UBE2V2: variants seen among roughly 807,000 people sequenced by gnomAD.
The protein encoded by UBE2V2 is ubiquitin-conjugating enzyme E2 variant 2.
A neutral mutation model predicts 17.2 loss-of-function variants in UBE2V2; 9 were observed. The observed-to-expected ratio is 0.52, with a 90% confidence interval of 0.32 to 0.91. UBE2V2 has a LOEUF of 0.91. Among genes scored for constraint, UBE2V2 ranks in the 40% least tolerant of loss-of-function variants. The pLI is 0.04. For synonymous variants in UBE2V2, 61 were observed against 57.5 expected (o/e 1.06, Z -0.28); for missense variants, 133 against 182.6 (o/e 0.73, Z 1.56).
At chr8:48,052,799 A>G (rs1373411556) in intron 3 of UBE2V2, among the ~76,000 whole-genome samples, 2 of 152,218 alleles carry the variant, frequency 1.3e-5, no homozygotes, top group Non-Finnish European at 2.9e-5. Flanking sequence ...CAAGGTGCAC[A>G]CTGGCCTGCA....
At position 48,063,357 on chromosome 8, in the gene UBE2V2, C is replaced by T. The variant is rs1448778596; in HGVS notation, c.*2529C>T. 6.6e-6 allele frequency: 1 copy of T among 152,194 alleles called. No individual in the cohort carries two copies. Among genetic ancestry groups the T allele is most frequent in the Non-Finnish European group, 1.5e-5 (1 of 68,044 alleles). The allele number at this position is 152,194 out of a possible 1,614,324, so 9.4% of individuals were successfully genotyped here. A position where few individuals can be genotyped will look rare whatever the true frequency, so the allele number is the denominator to read the frequency against. On this transcript the variant is annotated 3_prime_UTR_variant, in exon 4 of 4. Coordinates refer to ENST00000523111, the MANE Select transcript of UBE2V2 (RefSeq NM_003350.3). ...TGTAAGAGGAATTAATATAGAAAAG[C>T]TCTTAATTATAATAACATTTGGAAG...
At chr8:48,054,292 G>T (rs1316307579) in intron 3 of UBE2V2, among the ~76,000 whole-genome samples, 1 of 152,048 alleles carries the variant, frequency 6.6e-6, no homozygotes, top group Non-Finnish European at 1.5e-5. Context: ...AGTGTGCCGT[G>T]GCGTGGGGCT....
chr8:48,016,534 G>A (rs905309354), intron 1 of UBE2V2, among the ~76,000 whole-genome samples: 5 of 151,884 alleles, frequency 3.3e-5, no homozygotes, highest in African/African-American at 1.2e-4. Context: ...CCAGGCTGGA[G>A]TGCAATGGCA....
intron 3 of UBE2V2, chr8:48,050,408 T>C (rs2091528439): frequency 6.6e-6 from 1 of 152,438 alleles, no homozygotes; most frequent in Admixed American, 6.6e-5. Context: ...TTAATTTTTG[T>C]ATTTTTGTAG....
intron 1 of UBE2V2, among the ~76,000 whole-genome samples, chr8:48,023,373 G>A (rs371278094): frequency 2.6e-5 from 4 of 151,690 alleles, no homozygotes; most frequent in East Asian, 3.9e-4. Flanking sequence ...GCACCACCAC[G>A]CTCAGCTGAT....
chr8:48,009,359 A>C (rs1035549705), intron 1 of UBE2V2, among the ~76,000 whole-genome samples: 2 of 147,784 alleles, frequency 1.4e-5, no homozygotes, highest in African/African-American at 5.0e-5. Context: ...TCCACCTCCC[A>C]GGTTCAAGTG....
chr8:48,004,766 T>C (rs939062626), upstream of UBE2V2, among the ~76,000 whole-genome samples: 14 of 152,138 alleles, frequency 9.2e-5, no homozygotes, highest in Admixed American at 6.6e-4. Flanking sequence ...CCCGACCTTG[T>C]GATCCACCTG....
intron 1 of UBE2V2, among the ~76,000 whole-genome samples, chr8:48,009,148 A>T (rs978169675): frequency 6.6e-6 from 1 of 152,238 alleles, no homozygotes; most frequent in Admixed American, 6.5e-5. Context: ...TCCTGTGAGC[A>T]CACAAGTATT....
Position 48,060,776 on chromosome 8 carries a change from A to G in UBE2V2, c.386A>G (p.Lys129Arg). The change falls in exon 4 of 4, where the codon AAA (lysine) becomes AGA (arginine). Residue 129 changes from lysine (K) to arginine (R), a missense_variant. Physicochemically the swap from Lys to Arg is conservative, Grantham distance 26 (BLOSUM62 2). Transcript: ENST00000523111. ...LQELRRLMMS[K>R]ENMKLPQPPE... is the part of the protein sequence containing the mutation. Reference sequence around the variant, plus strand: ...GAGCTAAGACGTCTAATGATGTCCAAAGAAAATATGAAGCTTCCACAGCCA... The same window carrying G: ...GAGCTAAGACGTCTAATGATGTCCAGAGAAAATATGAAGCTTCCACAGCCA... 1 of 1,568,596 alleles carries G rather than the reference A, an allele frequency of 6.4e-7. No homozygotes were observed.
At chr8:47,998,004 T>C in the UBE2V2 span, among the ~76,000 whole-genome samples, 2 of 151,842 alleles carry the variant, frequency 1.3e-5, no homozygotes, top group Non-Finnish European at 2.9e-5. Flanking sequence ...AGAGCAAGAC[T>C]GGCAGAGGGA....
At chr8:48,008,395 G>A, upstream of UBE2V2, 1 of 1,549,854 alleles carries the variant, frequency 6.5e-7, no homozygotes, top group Non-Finnish European at 8.7e-7. Context: ...CGCGCTCCCG[G>A]AAGTGACGCG....
At chr8:48,027,799 C>G (rs1350894610) in intron 1 of UBE2V2, among the ~76,000 whole-genome samples, 1 of 152,206 alleles carries the variant, frequency 6.6e-6, no homozygotes, top group East Asian at 1.9e-4. Flanking sequence ...TGCACCTGGC[C>G]CTTTACTGGC....
the UBE2V2 span, among the ~76,000 whole-genome samples, chr8:47,999,214 AC>A: frequency 6.6e-6 from 1 of 152,146 alleles, no homozygotes; most frequent in Non-Finnish European, 1.5e-5. Flanking sequence ...GGTGGGCAGC[AC>A]CAAAGAAGCT....
At chr8:48,054,813 T>TAA (rs1410567640) in intron 3 of UBE2V2, among the ~76,000 whole-genome samples, 1 of 152,224 alleles carries the variant, frequency 6.6e-6, no homozygotes, top group African/African-American at 2.4e-5. Context: ...ATTTTGGAGG[T>TAA]CATTGTATGT....
intron 1 of UBE2V2, among the ~76,000 whole-genome samples, chr8:48,036,266 A>G (rs775769391): frequency 1.6e-4 from 24 of 151,598 alleles, no homozygotes; most frequent in Admixed American, 3.3e-4. Context: ...ATTAAAAAAA[A>G]AAATTTCTTA....
rs951924626 is a variant in UBE2V2, at chr8:48,008,640, C to T, written c.16+170C>T. ...GGACCGGGTGGGACCGGCGCCGAGG[C>T]CCCGGCGGCCGTCGGGTTGGCGGGT... On this transcript the variant is annotated intron_variant, in intron 1 of 3. Coordinates refer to ENST00000523111, the MANE Select transcript of UBE2V2 (RefSeq NM_003350.3). 7 of 965,296 alleles carry T rather than the reference C, an allele frequency of 7.3e-6. No individual in the cohort carries two copies. The African/African-American group carries it at 1.0e-4, about 14-fold the overall frequency. The allele number at this position is 965,296 out of a possible 1,614,324, so 59.8% of individuals were successfully genotyped here.
At chr8:48,014,210 C>CA (rs1362280160) in intron 1 of UBE2V2, among the ~76,000 whole-genome samples, 3 of 152,148 alleles carry the variant, frequency 2.0e-5, no homozygotes, top group African/African-American at 7.2e-5. Flanking sequence ...ACTGTACAGG[C>CA]AGTCCTTTGA....
At chr8:48,009,269 T>C (rs1309304680) in intron 1 of UBE2V2, among the ~76,000 whole-genome samples, 1 of 142,454 alleles carries the variant, frequency 7.0e-6, no homozygotes, top group African/African-American at 2.6e-5. Flanking sequence ...TTTCTTTTCT[T>C]TTTTTTTTTT....
At chr8:48,009,926 CTG>C (rs1292196137) in intron 1 of UBE2V2, among the ~76,000 whole-genome samples, 1 of 152,180 alleles carries the variant, frequency 6.6e-6, no homozygotes, top group Admixed American at 6.6e-5. Context: ...GAAATCTAAT[CTG>C]TGCTCGTTAA....
Sources: gnomAD v4.1 joint callset for allele counts (sites outside exome capture counted in the v4.1 genomes callset) on GRCh38, gnomAD v4.1.1 for gene constraint, MANE v1.5 for transcripts, NCBI Gene and HGNC (gene_info 2026-07-23, HGNC 2026-07-21) for gene names.